VTA1: variants seen among roughly 807,000 people sequenced by gnomAD.
VTA1 encodes vesicle trafficking 1, also known as vacuolar protein sorting-associated protein VTA1 homolog.
Under a neutral mutation model 36.9 loss-of-function variants are expected in VTA1, and 24 were observed. The observed-to-expected ratio is 0.65, with a 90% CI of 0.47 to 0.91. The LOEUF is 0.91. VTA1 is among the 40% of genes least tolerant of loss of function. The pLI is 0.00. For missense variants in VTA1, 393 were observed against 377.2 expected (o/e 1.04, Z -0.35); for synonymous variants, 142 against 130.2 (o/e 1.09, Z -0.62).
chr6:142,164,446 TATTAA>T (rs1774875591), intron 1 of VTA1, among the ~76,000 whole-genome samples: 1 of 152,158 alleles, frequency 6.6e-6, no homozygotes, highest in Non-Finnish European at 1.5e-5. Context: ...ATGAATACAT[TATTAA>T]ATTAAACTTC....
At chr6:142,150,087 T>C (rs1434674062) in intron 1 of VTA1, among the ~76,000 whole-genome samples, 2 of 152,214 alleles carry the variant, frequency 1.3e-5, no homozygotes, top group Non-Finnish European at 2.9e-5. Context: ...GTGTTCTCTT[T>C]TGGTTTTCAT....
chr6:142,195,813 C>A (rs929155936), intron 5 of VTA1, among the ~76,000 whole-genome samples: 1 of 151,734 alleles, frequency 6.6e-6, no homozygotes, highest in African/African-American at 2.4e-5. Flanking sequence ...TAAATATATT[C>A]TTTAATTTCA....
intron 5 of VTA1, among the ~76,000 whole-genome samples, chr6:142,192,132 T>C (rs186428588): frequency 7.9e-5 from 12 of 152,198 alleles, no homozygotes; most frequent in African/African-American, 2.4e-4. Flanking sequence ...CTTCCACTTA[T>C]GATTTAACGT....
At position 142,163,839 on chromosome 6, in the gene VTA1, A is replaced by G. The variant is rs527778208; in HGVS notation, c.113-2389A>G. On this transcript the variant is annotated intron_variant, in intron 1 of 7. Transcript: ENST00000367630. The stretch of plus-strand genomic sequence containing the variant: ...AAAACATTGAATACAAATCTGCAAT[A>G]TGTTATGTAAATTATTTATGAATTA... 5.9e-5 allele frequency among the ~76,000 whole-genome samples: 9 copies of G among 152,284 alleles called. No individual in the cohort carries two copies. The East Asian group carries it at 1.7e-3, about 29-fold the overall frequency.
At position 142,178,818 on chromosome 6, in the gene VTA1, T is replaced by C. The variant is rs909759234; in HGVS notation, c.411+8397T>C. Among the ~76,000 whole-genome samples, 4 of 152,038 alleles carry C rather than the reference T, an allele frequency of 2.6e-5. No homozygotes were observed. In the East Asian group the frequency reaches 7.7e-4, roughly 29 times the overall value. The stretch of plus-strand genomic sequence containing the variant: ...GTAGAGGTTTTCAGACTAGATTTTT[T>C]TTTAAAAGCAAGCCTTAACTGTATA... On this transcript the variant is annotated intron_variant, in intron 4 of 7. Transcript: ENST00000367630.
intron 4 of VTA1, among the ~76,000 whole-genome samples, chr6:142,178,633 C>CAT (rs1218612321): frequency 6.6e-6 from 1 of 151,844 alleles, no homozygotes; most frequent in Non-Finnish European, 1.5e-5. Context: ...TTTAACTGTA[C>CAT]ATATATATAT....
chr6:142,181,094 A>AAAAAAATAT (rs1471429927), intron 4 of VTA1, among the ~76,000 whole-genome samples: 30 of 36,430 alleles, frequency 8.2e-4, no homozygotes, highest in African/African-American at 2.0e-3. Flanking sequence ...AAAAAAAAAA[A>AAAAAAATAT]ATATATATAT....
chr6:142,216,990 A>G (rs570883140), intron 7 of VTA1, among the ~76,000 whole-genome samples: 1 of 152,326 alleles, frequency 6.6e-6, no homozygotes, highest in Admixed American at 6.5e-5. Flanking sequence ...ATATTTTGAA[A>G]AACCATTAAA....
intron 5 of VTA1, among the ~76,000 whole-genome samples, chr6:142,197,231 A>C (rs895628385): frequency 1.3e-5 from 2 of 152,220 alleles, no homozygotes; most frequent in Non-Finnish European, 2.9e-5. Flanking sequence ...GTAAAGTATA[A>C]ATACATCCAC....
At chr6:142,198,335 T>C in intron 5 of VTA1, 104 bp from the exon 6 acceptor site, 1 of 1,079,574 alleles carries the variant, frequency 9.3e-7, no homozygotes, top group Non-Finnish European at 1.3e-6. Context: ...TTAAATAGAA[T>C]TGCATTTAAA....
At chr6:142,189,850 A>C (rs539775399) in intron 5 of VTA1, among the ~76,000 whole-genome samples, 1 of 151,832 alleles carries the variant, frequency 6.6e-6, no homozygotes, top group Admixed American at 6.6e-5. Flanking sequence ...TCCGCCTCGC[A>C]GGTTCATGCC....
chr6:142,149,181 T>G (rs1230432982), intron 1 of VTA1, among the ~76,000 whole-genome samples: 1 of 152,244 alleles, frequency 6.6e-6, no homozygotes, highest in African/African-American at 2.4e-5. Context: ...ATAAGTTAGC[T>G]TTACGCCTTT....
At chr6:142,169,498 C>T in intron 2 of VTA1, 52 bp from the exon 3 acceptor site, 2 of 1,548,466 alleles carry the variant, frequency 1.3e-6, no homozygotes, top group Non-Finnish European at 1.7e-6. Flanking sequence ...GTAATTAAGT[C>T]AACACTTCTG....
At chr6:142,174,590 T>C (rs898378958) in intron 4 of VTA1, among the ~76,000 whole-genome samples, 10 of 152,136 alleles carry the variant, frequency 6.6e-5, no homozygotes, top group Non-Finnish European at 5.9e-5. Flanking sequence ...AATTATATTT[T>C]GCAATGTGAA....
At chr6:142,210,613 C>T (rs1775885576) in intron 7 of VTA1, among the ~76,000 whole-genome samples, 1 of 152,074 alleles carries the variant, frequency 6.6e-6, no homozygotes, top group Non-Finnish European at 1.5e-5. Context: ...CAAAAATGGG[C>T]AAAAGATCTA....
chr6:142,172,854 G>A (rs78939276), intron 4 of VTA1, among the ~76,000 whole-genome samples: 2 of 152,058 alleles, frequency 1.3e-5, no homozygotes, highest in South Asian at 4.1e-4. Flanking sequence ...GATGATGGAA[G>A]ACCTACAATC....
chr6:142,206,347 A>G (rs539869327), intron 7 of VTA1, among the ~76,000 whole-genome samples: 9 of 152,312 alleles, frequency 5.9e-5, no homozygotes, highest in Non-Finnish European at 1.5e-5. Context: ...AAAACAAAAT[A>G]CCATTTACAT....
At chr6:142,198,113 A>ATGTGTGTGTGTGTG (rs1414329840) in intron 5 of VTA1, among the ~76,000 whole-genome samples, 36 of 117,002 alleles carry the variant, frequency 3.1e-4, no homozygotes, top group African/African-American at 1.2e-3. Flanking sequence ...AAATATATAT[A>ATGTGTGTGTGTGTG]TATATATGTG....
At chr6:142,170,874 C>T (rs1451890741) in intron 4 of VTA1, among the ~76,000 whole-genome samples, 1 of 152,156 alleles carries the variant, frequency 6.6e-6, no homozygotes, top group Non-Finnish European at 1.5e-5. Context: ...ATCTTGCCTG[C>T]CTCAGCCTCC....
Sources: gnomAD v4.1 joint callset for allele counts (sites outside exome capture counted in the v4.1 genomes callset) on GRCh38, gnomAD v4.1.1 for gene constraint, MANE v1.5 for transcripts, NCBI Gene and HGNC (gene_info 2026-07-23, HGNC 2026-07-21) for gene names.